The following RUNX1 variants were observed in gnomAD, a reference collection of about 807,000 sequenced individuals.
RUNX1 encodes the protein runt-related transcription factor 1.
Under a neutral mutation model 42.8 loss-of-function variants are expected in RUNX1, and 19 were observed. The ratio of observed to expected loss-of-function variants is 0.44; its 90% CI spans 0.31 to 0.65. The LOEUF is 0.65. RUNX1 is among the 30% of genes least tolerant of loss of function. The pLI is 0.07. For missense variants in RUNX1, 528 were observed against 672.0 expected (o/e 0.79, Z 2.37); for synonymous variants, 271 against 289.4 (o/e 0.94, Z 0.64).
Position 34,791,013 on chromosome 21 carries a change from C to A in RUNX1, c.*1122G>T. 1 of 233,710 alleles carries A rather than the reference C, an allele frequency of 4.3e-6. No homozygotes were observed. The highest frequency in any genetic ancestry group is 8.5e-6 in the Non-Finnish European group (1 of 118,058). The allele number at this position is 233,710 out of a possible 1,614,324, so 14.5% of individuals were successfully genotyped here. On this transcript the variant is annotated 3_prime_UTR_variant, in exon 9 of 9. Transcript: ENST00000675419. Reference sequence around the variant, plus strand: ...AACCCTCTGGAACTAGATTGACCTTCTCTGTTTTAAGGAGGAAGTTAGATA... The same window carrying A: ...AACCCTCTGGAACTAGATTGACCTTATCTGTTTTAAGGAGGAAGTTAGATA...
At position 34,907,956 on chromosome 21, in the gene RUNX1, T is replaced by C. The variant is rs938548654; in HGVS notation, c.59-14993A>G. Among the ~76,000 whole-genome samples the C allele has an allele frequency of 2.6e-5, 4 of 152,202 alleles. No homozygotes were observed. The highest frequency in any genetic ancestry group is 9.7e-5 in the African/African-American group (4 of 41,446). On this transcript the variant is annotated intron_variant, in intron 2 of 8. Transcript: ENST00000675419. The surrounding 1 kb of genome is among the most constrained non-coding windows in gnomAD (Gnocchi z 5.3). Reference sequence around the variant, plus strand: ...GGCTCTGAAAAGTGAGTGGCTCTTCTAAGCTCCCGAAACAGTGGCTGATCT... The same window carrying C: ...GGCTCTGAAAAGTGAGTGGCTCTTCCAAGCTCCCGAAACAGTGGCTGATCT...
rs187260318 is a variant in RUNX1, at chr21:34,917,853, G to A, written c.59-24890C>T. Among the ~76,000 whole-genome samples, 6 of 152,118 alleles carry A rather than the reference G, an allele frequency of 3.9e-5. No individual in the cohort carries two copies. The East Asian group carries it at 5.8e-4, about 15-fold the overall frequency. ...TTGTTATAAAGTCCTTGGCTTGGCC[G>A]GGCGTAGTGGCTCATGCCTATAATC... On this transcript the variant is annotated intron_variant, in intron 2 of 8. Coordinates refer to ENST00000675419, the MANE Select transcript of RUNX1 (RefSeq NM_001754.5).
intron 7 of RUNX1, among the ~76,000 whole-genome samples, chr21:34,811,071 C>T (rs1270824071): frequency 6.6e-6 from 1 of 152,190 alleles, no homozygotes; most frequent in Non-Finnish European, 1.5e-5. Flanking sequence ...AGTGTTGCAC[C>T]GTGCCAGCCA....
At chr21:34,813,532 C>T (rs2145963877) in intron 7 of RUNX1, among the ~76,000 whole-genome samples, 1 of 152,096 alleles carries the variant, frequency 6.6e-6, no homozygotes, top group East Asian at 1.9e-4. Context: ...GGGGGAAACT[C>T]CATCCCCATG....
chr21:34,850,886 C>A (rs753783658), intron 6 of RUNX1, among the ~76,000 whole-genome samples: 1 of 152,060 alleles, frequency 6.6e-6, no homozygotes, highest in Non-Finnish European at 1.5e-5. Flanking sequence ...TTTCTCATTT[C>A]CAGAAGGATT....
intron 2 of RUNX1, among the ~76,000 whole-genome samples, chr21:34,957,891 T>C (rs1015794800): frequency 6.6e-6 from 1 of 152,160 alleles, no homozygotes; most frequent in Non-Finnish European, 1.5e-5. Context: ...CTGAGGGGTA[T>C]GGGGCAGGAT....
intron 2 of RUNX1, among the ~76,000 whole-genome samples, chr21:34,947,506 T>C (rs1369767135): frequency 6.6e-6 from 1 of 152,220 alleles, no homozygotes; most frequent in African/African-American, 2.4e-5. Context: ...TACAACTTAA[T>C]TTATTTCCTG....
chr21:35,038,190 A>G (rs1488098797), intron 2 of RUNX1, among the ~76,000 whole-genome samples: 2 of 152,170 alleles, frequency 1.3e-5, no homozygotes, highest in African/African-American at 4.8e-5. Context: ...AAATGGCTCA[A>G]GTTCACACAG....
At chr21:34,862,655 C>G (rs988948965) in intron 5 of RUNX1, among the ~76,000 whole-genome samples, 1 of 152,194 alleles carries the variant, frequency 6.6e-6, no homozygotes, top group African/African-American at 2.4e-5. Context: ...TGTCTTCCTA[C>G]TGGGTGTCCC....
rs771614642 is a variant in RUNX1, at chr21:34,834,466, C to G, written c.749G>C (p.Arg250Pro). ...PHHPAPTPNP[R>P]ASLNHSTAFN... is the part of the protein sequence containing the mutation. ...GGCAGTGGAGTGGTTCAGGGAGGCACGAGGGTTGGGCGTGGGGGCTGGGTG... is the reference window on the plus strand; with the variant it reads ...GGCAGTGGAGTGGTTCAGGGAGGCAGGAGGGTTGGGCGTGGGGGCTGGGTG... The change falls in exon 7 of 9, where the codon CGT (arginine) becomes CCT (proline). Residue 250 changes from arginine to proline, a missense_variant. Transcript: ENST00000675419. 2.5e-6 allele frequency: 4 copies of G among 1,611,264 alleles called. No individual in the cohort carries two copies. Among genetic ancestry groups the G allele is most frequent in the Non-Finnish European group, 3.4e-6 (4 of 1,178,414 alleles).
intron 2 of RUNX1, among the ~76,000 whole-genome samples, chr21:34,917,310 A>G (rs2058318921): frequency 6.6e-6 from 1 of 152,234 alleles, no homozygotes; most frequent in Non-Finnish European, 1.5e-5. Flanking sequence ...AGGGTGAAAG[A>G]GGACACTCAG....
chr21:34,850,083 CA>C (rs1415833681), intron 6 of RUNX1, among the ~76,000 whole-genome samples: 1 of 151,942 alleles, frequency 6.6e-6, no homozygotes, highest in Non-Finnish European at 1.5e-5. Flanking sequence ...AGAAATTTTT[CA>C]AAATGAAAAA....
intron 4 of RUNX1, among the ~76,000 whole-genome samples, chr21:34,881,503 G>T (rs1005676761): frequency 1.3e-5 from 2 of 152,100 alleles, no homozygotes; most frequent in Non-Finnish European, 2.9e-5. Flanking sequence ...TCAGAAAGAC[G>T]GGACATTCAC....
Position 34,939,379 on chromosome 21 carries a change from G to A in RUNX1, c.59-46416C>T, listed in dbSNP as rs185727856. ...GACGATGCAGTCATTTTGCCTCTGTGTAGCTTTATCTACTACTAAAATAGA... is the reference window on the plus strand; with the variant it reads ...GACGATGCAGTCATTTTGCCTCTGTATAGCTTTATCTACTACTAAAATAGA... On this transcript the variant is annotated intron_variant, in intron 2 of 8. Coordinates refer to ENST00000675419, the MANE Select transcript of RUNX1 (RefSeq NM_001754.5). Among the ~76,000 whole-genome samples, 164 of 152,314 alleles carry A rather than the reference G, an allele frequency of 1.1e-3. 1 individual carries two copies. The highest frequency in any genetic ancestry group is 1.7e-3 in the Non-Finnish European group (119 of 68,032).
chr21:34,848,079 G>A (rs1249412831), intron 6 of RUNX1, among the ~76,000 whole-genome samples: 1 of 152,174 alleles, frequency 6.6e-6, no homozygotes, highest in East Asian at 1.9e-4. Context: ...AATATTTAAG[G>A]AACACTTCTG....
intron 7 of RUNX1, among the ~76,000 whole-genome samples, chr21:34,823,064 C>T (rs115509288): frequency 9.9e-4 from 151 of 152,314 alleles, no homozygotes; most frequent in African/African-American, 3.4e-3. Context: ...AGGTTGAACA[C>T]ATAAAGCCGT....
intron 2 of RUNX1, among the ~76,000 whole-genome samples, chr21:35,028,136 G>C (rs1438557358): frequency 6.6e-6 from 1 of 152,132 alleles, no homozygotes. Context: ...ATTTCATTTA[G>C]ACTTCATCAA....
rs766206710 is a variant in RUNX1, at chr21:34,887,029, C to T, written c.165G>A (p.Ala55=). 1 of 1,601,466 alleles carries T rather than the reference C, an allele frequency of 6.2e-7. No individual in the cohort carries two copies. The highest frequency in any genetic ancestry group is 8.5e-7 in the Non-Finnish European group (1 of 1,178,958). The change falls in exon 4 of 9, where the codon GCG becomes GCA. Residue 55 remains alanine (A), a synonymous_variant. Transcript: ENST00000675419. ...CGGCGTCCGGGGCGCCCAGCGGCAA[C>T]GCCTCGCTCATCTTGCCTGGGCTCA... The part of the protein sequence containing the change: ...TALSPGKMSE[A]LPLGAPDAGA...
chr21:34,832,325 T>C lies in RUNX1; in HGVS notation c.805+2085A>G, dbSNP rs374081906. 5.9e-5 allele frequency among the ~76,000 whole-genome samples: 9 copies of C among 152,324 alleles called. No homozygotes were observed. In the South Asian group the frequency reaches 1.0e-3, roughly 18 times the overall value. On this transcript the variant is annotated intron_variant, in intron 7 of 8. Transcript: ENST00000675419. ...TTTTGTTTTTGTTGTTAAAGAGGCA[T>C]ATCTGATGAAGAAGGAAATCAGATT...
Sources: gnomAD v4.1 joint callset for allele counts (sites outside exome capture counted in the v4.1 genomes callset) on GRCh38, gnomAD v4.1.1 for gene constraint, Gnocchi (gnomAD v3.1) non-coding constraint, MANE v1.5 for transcripts, NCBI Gene and HGNC (gene_info 2026-07-23, HGNC 2026-07-21) for gene names.